LTBP1: variants seen among roughly 807,000 people sequenced by gnomAD.
LTBP1 encodes latent transforming growth factor beta binding protein 1.
LTBP1 carries 129 observed loss-of-function variants against 207.6 expected under a neutral mutation model. That is an observed-to-expected ratio of 0.62 (90% CI 0.54 to 0.72). The LOEUF (loss-of-function observed/expected upper bound fraction) is 0.72. LTBP1 is among the 30% of genes least tolerant of loss of function. The pLI, the probability that LTBP1 is intolerant of heterozygous loss-of-function variation, is 0.00. For synonymous variants in LTBP1, 963 were observed against 833.7 expected (o/e 1.16, Z -2.67); for missense variants, 2,281 against 2,217.2 (o/e 1.03, Z -0.58).
At chr2:33,374,425 A>G (rs1015179417) in intron 31 of LTBP1, among the ~76,000 whole-genome samples, 5 of 152,216 alleles carry the variant, frequency 3.3e-5, no homozygotes, top group African/African-American at 1.2e-4. Flanking sequence ...TTTCAATCAT[A>G]GATCCTGAAC....
At chr2:33,128,077 A>G (rs905431174) in intron 4 of LTBP1, among the ~76,000 whole-genome samples, 39 of 152,168 alleles carry the variant, frequency 2.6e-4, no homozygotes, top group African/African-American at 7.0e-4. Flanking sequence ...GACCCTCGAG[A>G]GGAATGGCCC....
At chr2:33,004,741 C>T (rs1186034185) in intron 2 of LTBP1, among the ~76,000 whole-genome samples, 5 of 137,202 alleles carry the variant, frequency 3.6e-5, no homozygotes, top group African/African-American at 1.3e-4. Flanking sequence ...TGCCACTGCA[C>T]TTCAGCCTGG....
intron 5 of LTBP1, among the ~76,000 whole-genome samples, chr2:33,135,189 G>A (rs970488587): frequency 1.3e-5 from 2 of 152,164 alleles, no homozygotes; most frequent in African/African-American, 2.4e-5. Flanking sequence ...TTATTGCTTA[G>A]CATTTACACA....
intron 3 of LTBP1, among the ~76,000 whole-genome samples, chr2:33,081,165 T>G (rs1277560438): frequency 6.6e-6 from 1 of 152,072 alleles, no homozygotes; most frequent in Non-Finnish European, 1.5e-5. Context: ...GGTGTCTCAG[T>G]GTCTTTGAGG....
intron 7 of LTBP1, among the ~76,000 whole-genome samples, chr2:33,213,118 G>T (rs1373551482): frequency 6.6e-6 from 1 of 152,092 alleles, no homozygotes; most frequent in East Asian, 1.9e-4. Flanking sequence ...GGTCATGCAT[G>T]GGCTGAATCC....
intron 7 of LTBP1, among the ~76,000 whole-genome samples, chr2:33,189,864 A>G (rs2087649545): frequency 6.7e-3 from 1 of 150 alleles, no homozygotes; most frequent in Non-Finnish European, 0.016. Context: ...CGTCTCTACT[A>G]AAAATACAAA....
rs141814525 is a variant in LTBP1 at position 33,188,802 on chromosome 2, C to G, written c.1652C>G (p.Ala551Gly). ...GTCATTCCTCACGTCTACCCCGTGG[C>G]TGCTAAGACACAGCTTGGCCGGTGC... is the stretch of plus-strand genomic sequence containing the variant. Reference protein sequence around the residue: ...QQVIPHVYPVAAKTQLGRCFQ... With the variant: ...QQVIPHVYPVGAKTQLGRCFQ... The change falls in exon 7 of 34, where the codon GCT (alanine) becomes GGT (glycine). Residue 551 changes from alanine (A) to glycine (G), a missense_variant. Transcript: ENST00000404816. 8.1e-6 allele frequency: 13 copies of G among 1,614,088 alleles called. No homozygotes were observed. The highest frequency in any genetic ancestry group is 2.7e-5 in the African/African-American group (2 of 74,932).
At chr2:33,232,585 C>T (rs1432994300) in intron 9 of LTBP1, among the ~76,000 whole-genome samples, 1 of 152,062 alleles carries the variant, frequency 6.6e-6, no homozygotes, top group Non-Finnish European at 1.5e-5. Context: ...TTGTTTCCTG[C>T]ATTTGTTTCT....
chr2:33,096,849 C>T lies in LTBP1; in HGVS notation c.864-13733C>T, dbSNP rs2079427722. 3.9e-5 allele frequency among the ~76,000 whole-genome samples: 6 copies of T among 152,196 alleles called. No homozygotes were observed. The South Asian group carries it at 1.2e-3, about 32-fold the overall frequency. ...TAACTTGAGGCCAGGAGTTCAAGGCCAGCCTAGGCAACGTAGTGAGACCCT... is the reference window on the plus strand; with the variant it reads ...TAACTTGAGGCCAGGAGTTCAAGGCTAGCCTAGGCAACGTAGTGAGACCCT... On this transcript the variant is annotated intron_variant, in intron 3 of 33. Coordinates refer to ENST00000404816, the MANE Select transcript of LTBP1 (RefSeq NM_206943.4).
intron 10 of LTBP1, among the ~76,000 whole-genome samples, chr2:33,245,165 C>A (rs1022130994): frequency 1.3e-5 from 2 of 152,156 alleles, no homozygotes; most frequent in Non-Finnish European, 2.9e-5. Flanking sequence ...TAGGTGTGAG[C>A]CACCATGCCC....
chr2:33,350,991 T>C (rs1282549623), intron 26 of LTBP1, among the ~76,000 whole-genome samples: 2 of 152,086 alleles, frequency 1.3e-5, no homozygotes, highest in African/African-American at 4.8e-5. Context: ...AAAATATATA[T>C]ATATTATAAT....
chr2:33,127,222 T>G (rs1378797173), intron 4 of LTBP1, among the ~76,000 whole-genome samples: 1 of 152,058 alleles, frequency 6.6e-6, no homozygotes, highest in African/African-American at 2.4e-5. Flanking sequence ...CTGCCTTGTC[T>G]TTTGACTCTT....
chr2:33,060,651 C>CTGTGTGTG lies in LTBP1; in HGVS notation c.863+39467_863+39474dup, dbSNP rs10693285. The stretch of plus-strand genomic sequence containing the variant: ...GTTGTACTGAATTTTAAATTCAGAT[C>CTGTGTGTG]TGTGTGTGTGTGTGTGTGTGTGTGT... On this transcript the variant is annotated intron_variant, in intron 3 of 33. Transcript: ENST00000404816. Among the ~76,000 whole-genome samples the CTGTGTGTG allele has an allele frequency of 3.6e-3, 534 of 146,744 alleles. 1 individual carries two copies. Among genetic ancestry groups the CTGTGTGTG allele is most frequent in the Non-Finnish European group, 5.7e-3 (380 of 66,734 alleles).
intron 31 of LTBP1, among the ~76,000 whole-genome samples, chr2:33,378,221 G>GTGTGTGTGTGTGTGTGTGTGTT (rs143728872): frequency 7.1e-6 from 1 of 140,206 alleles, no homozygotes; most frequent in African/African-American, 2.8e-5. Flanking sequence ...GTGTGTGTGT[G>GTGTGTGTGTGTGTGTGTGTGTT]TTTTGTTTGT....
chr2:33,340,257 CAAAA>C (rs1198759101), intron 24 of LTBP1, among the ~76,000 whole-genome samples: 5,925 of 89,800 alleles, frequency 0.066, 209 homozygotes, highest in Non-Finnish European at 0.096. Flanking sequence ...GACTCTGTCT[CAAAA>C]AAAAAAAAAA....
At position 32,947,836 on chromosome 2, in the gene LTBP1, T is replaced by TCCGCCCGCCCGC. The variant is rs570963430; in HGVS notation, c.494+24_494+35dup. 1.1e-4 allele frequency: 139 copies of TCCGCCCGCCCGC among 1,289,520 alleles called. No individual in the cohort carries two copies. The highest frequency in any genetic ancestry group is 1.7e-4 in the South Asian group (6 of 35,742). 79.9% of individuals were successfully genotyped at this position (1,289,520 alleles called of 1,614,324 possible). On this transcript the variant is annotated intron_variant, in intron 1 of 33. Coordinates refer to ENST00000404816, the MANE Select transcript of LTBP1 (RefSeq NM_206943.4). Reference sequence around the variant, plus strand: ...CTGCAGGGGTAAGCCCACACCCCCTTCCGCCCGCCCGCCCGCCTCGCGCGC... The same window carrying TCCGCCCGCCCGC: ...CTGCAGGGGTAAGCCCACACCCCCTTCCGCCCGCCCGCCCGCCCGCCCGCCCGCCTCGCGCGC...
chr2:33,292,708 T>G (rs1268389059), intron 19 of LTBP1, among the ~76,000 whole-genome samples: 1 of 152,218 alleles, frequency 6.6e-6, no homozygotes, highest in East Asian at 1.9e-4. Flanking sequence ...TTTTTCACCT[T>G]TCTGTTAAAA....
chr2:33,395,988 C>A (rs2095354797), intron 32 of LTBP1, among the ~76,000 whole-genome samples: 1 of 149,970 alleles, frequency 6.7e-6, no homozygotes, highest in Non-Finnish European at 1.5e-5. Context: ...TGTGTTGGGT[C>A]ACTGTGGATT....
At chr2:32,960,725 G>A (rs1319218846) in intron 2 of LTBP1, among the ~76,000 whole-genome samples, 1 of 152,172 alleles carries the variant, frequency 6.6e-6, no homozygotes, top group Non-Finnish European at 1.5e-5. Flanking sequence ...AGTCTCTATA[G>A]GAAGTGACAT....
Sources: allele counts gnomAD v4.1 joint callset (sites outside exome capture counted in the v4.1 genomes callset), GRCh38; gene constraint gnomAD v4.1.1; transcripts MANE v1.5; gene names NCBI Gene and HGNC (gene_info 2026-07-23, HGNC 2026-07-21).